CADM2: variants seen among roughly 807,000 people sequenced by gnomAD.
CADM2 encodes immunoglobulin superfamily member 4D.
CADM2 carries 12 observed loss-of-function variants against 49.8 expected under a neutral mutation model. The observed-to-expected ratio is 0.24, with a 90% CI of 0.15 to 0.39. The LOEUF (loss-of-function observed/expected upper bound fraction) is 0.39. CADM2 is among the 10% of genes least tolerant of loss of function. CADM2 has a pLI of 1.00. For missense variants in CADM2, 378 were observed against 492.3 expected (o/e 0.77, Z 2.20); for synonymous variants, 214 against 175.4 (o/e 1.22, Z -1.74).
chr3:85,081,260 C>G (rs2107500450), intron 1 of CADM2, among the ~76,000 whole-genome samples: 1 of 152,128 alleles, frequency 6.6e-6, no homozygotes, highest in African/African-American at 2.4e-5. Flanking sequence ...TGAAATCAGA[C>G]AAACATCTAC....
At chr3:85,398,847 G>C (rs985335460) in intron 1 of CADM2, among the ~76,000 whole-genome samples, 1 of 151,848 alleles carries the variant, frequency 6.6e-6, no homozygotes, top group African/African-American at 2.4e-5. Context: ...AGTTGTTGAG[G>C]GGGTTGTTTT....
At chr3:85,378,689 C>G (rs142822436) in intron 1 of CADM2, among the ~76,000 whole-genome samples, 14 of 151,900 alleles carry the variant, frequency 9.2e-5, no homozygotes, top group Admixed American at 7.2e-4. Context: ...TACTTTCATT[C>G]TGTTCTAAAA....
At chr3:85,160,618 A>G (rs1559696614) in intron 1 of CADM2, among the ~76,000 whole-genome samples, 1 of 152,062 alleles carries the variant, frequency 6.6e-6, no homozygotes, top group Non-Finnish European at 1.5e-5. Context: ...TAATTAGGCT[A>G]TTTTCTTCTG....
At chr3:85,990,096 A>T (rs1036033948) in intron 8 of CADM2, among the ~76,000 whole-genome samples, 11 of 151,224 alleles carry the variant, frequency 7.3e-5, no homozygotes, top group African/African-American at 2.4e-4. Flanking sequence ...ACTTAAAAAC[A>T]CTTAACAATT....
intron 3 of CADM2, among the ~76,000 whole-genome samples, chr3:85,870,482 T>C (rs1163723949): frequency 1.3e-5 from 2 of 152,126 alleles, no homozygotes; most frequent in African/African-American, 4.8e-5. Flanking sequence ...TAGCTCCCAT[T>C]TATAAGTGAG....
chr3:85,168,301 C>T (rs767450372), intron 1 of CADM2, among the ~76,000 whole-genome samples: 196 of 152,068 alleles, frequency 1.3e-3, no homozygotes, highest in Non-Finnish European at 1.7e-3. Context: ...GTGATCTGCC[C>T]ACCTTGGCCT....
intron 3 of CADM2, among the ~76,000 whole-genome samples, chr3:85,869,721 C>T (rs1254705148): frequency 6.6e-6 from 1 of 152,048 alleles, no homozygotes; most frequent in Non-Finnish European, 1.5e-5. Flanking sequence ...TGCAGTGGCG[C>T]GATCTCGGCT....
chr3:85,962,435 T>C (rs972571447), intron 8 of CADM2, among the ~76,000 whole-genome samples: 1 of 152,086 alleles, frequency 6.6e-6, no homozygotes, highest in Non-Finnish European at 1.5e-5. Context: ...TGAACAATAA[T>C]TTAAAGTTCC....
intron 3 of CADM2, among the ~76,000 whole-genome samples, chr3:85,842,514 A>G (rs2074683841): frequency 6.6e-6 from 1 of 152,096 alleles, no homozygotes; most frequent in South Asian, 2.1e-4. Context: ...TTCTTGGGCC[A>G]ATTAATTTCC....
At chr3:85,221,183 C>T (rs1394304577) in intron 1 of CADM2, among the ~76,000 whole-genome samples, 2 of 152,042 alleles carry the variant, frequency 1.3e-5, no homozygotes, top group African/African-American at 2.4e-5. Context: ...ATATCCAATA[C>T]AGGATAATAA....
At chr3:85,673,633 T>C (rs1006595822) in intron 1 of CADM2, among the ~76,000 whole-genome samples, 4 of 151,566 alleles carry the variant, frequency 2.6e-5, no homozygotes, top group Non-Finnish European at 2.9e-5. Flanking sequence ...GTAAGTAAGA[T>C]GTTAACAGGA....
intron 1 of CADM2, among the ~76,000 whole-genome samples, chr3:85,244,493 T>G (rs1331941385): frequency 6.6e-6 from 1 of 152,202 alleles, no homozygotes; most frequent in Non-Finnish European, 1.5e-5. Context: ...TTTATTGACC[T>G]TGCAAAATAG....
intron 1 of CADM2, among the ~76,000 whole-genome samples, chr3:84,982,964 G>T (rs2032301766): frequency 6.7e-6 from 1 of 148,544 alleles, no homozygotes; most frequent in Non-Finnish European, 1.5e-5. Context: ...AGCCATGATG[G>T]TCTCAATCTC....
intron 1 of CADM2, among the ~76,000 whole-genome samples, chr3:85,103,557 T>G (rs933349780): frequency 6.6e-6 from 1 of 152,138 alleles, no homozygotes; most frequent in South Asian, 2.1e-4. Context: ...ACTTGCCAAA[T>G]GTAATAATGG....
At chr3:85,491,411 C>T (rs2039663468) in intron 1 of CADM2, among the ~76,000 whole-genome samples, 1 of 152,050 alleles carries the variant, frequency 6.6e-6, no homozygotes, top group Admixed American at 6.5e-5. Context: ...TATACATTCT[C>T]TTTAATGGAA....
intron 2 of CADM2, among the ~76,000 whole-genome samples, chr3:85,790,364 C>A (rs2071251000): frequency 6.6e-6 from 1 of 152,156 alleles, no homozygotes; most frequent in African/African-American, 2.4e-5. Flanking sequence ...TCTGGGTCAC[C>A]TACTCACAGG....
intron 1 of CADM2, among the ~76,000 whole-genome samples, chr3:85,408,411 TA>T (rs1481978636): frequency 6.6e-6 from 1 of 152,238 alleles, no homozygotes; most frequent in Non-Finnish European, 1.5e-5. Context: ...GATGAAAAAT[TA>T]ATTTTTTTGA....
intron 1 of CADM2, among the ~76,000 whole-genome samples, chr3:85,036,039 T>A (rs571714013): frequency 6.6e-6 from 1 of 152,286 alleles, no homozygotes; most frequent in Non-Finnish European, 1.5e-5. Flanking sequence ...TGTATCACTA[T>A]CCCTCATTTA....
chr3:86,073,802 C>T lies in CADM2; in HGVS notation c.*7019C>T, dbSNP rs545578443. ...ATGCCAAACACATTATTTTGAATAC[C>T]TTTTTTTCAACTTCATACATTATCC... On this transcript the variant is annotated 3_prime_UTR_variant, in exon 10 of 10. Transcript: ENST00000383699. 2 of 151,944 alleles carry T rather than the reference C, an allele frequency of 1.3e-5. No homozygotes were observed. The highest frequency in any genetic ancestry group is 1.9e-4 in the East Asian group (1 of 5,180). 9.4% of individuals were successfully genotyped at this position (151,944 alleles called of 1,614,324 possible).
Sources: allele counts gnomAD v4.1 joint callset (sites outside exome capture counted in the v4.1 genomes callset), GRCh38; gene constraint gnomAD v4.1.1; transcripts MANE v1.5; gene names NCBI Gene and HGNC (gene_info 2026-07-23, HGNC 2026-07-21).